The following SPNS3 variants were observed in gnomAD, a reference collection of about 807,000 sequenced individuals.
SPNS3 encodes the protein SPNS lysolipid transporter 3, sphingosine-1-phosphate (putative), also known as protein spinster homolog 3.
In SPNS3, 51 loss-of-function variants were observed where a neutral mutation model predicts 54.4. The ratio of observed to expected loss-of-function variants is 0.94; its 90% CI spans 0.75 to 1.18. The LOEUF (loss-of-function observed/expected upper bound fraction) is 1.18, where lower values mean the gene tolerates loss of function less well. Ranked by LOEUF, SPNS3 falls within the 50% of genes most tolerant of loss-of-function variation. SPNS3 has a pLI of 0.00. For missense variants in SPNS3, 669 were observed against 677.4 expected, an observed-to-expected ratio of 0.99 and a Z score of 0.14; for synonymous variants, 309 against 294.7, an observed-to-expected ratio of 1.05 and a Z score of -0.50.
intron 8 of SPNS3, among the ~76,000 whole-genome samples, chr17:4,477,771 C>T (rs2144200749): frequency 6.6e-6 from 1 of 152,240 alleles, no homozygotes; most frequent in East Asian, 1.9e-4. Flanking sequence ...GCCTCGCCCA[C>T]CTCCCTGTGC....
chr17:4,446,730 G>A (rs1261160817), intron 4 of SPNS3, 166 bp from the exon 5 acceptor site: 2 of 652,728 alleles, frequency 3.1e-6, no homozygotes, highest in Non-Finnish European at 5.5e-6. Context: ...GAGGGCAGTG[G>A]ACATCTGGGC....
chr17:4,435,901 C>T (rs1970705823), intron 1 of SPNS3, among the ~76,000 whole-genome samples: 1 of 152,196 alleles, frequency 6.6e-6, no homozygotes, highest in Admixed American at 6.5e-5. Flanking sequence ...CACTGCACTC[C>T]AGCCTGGGCG....
intron 2 of SPNS3, among the ~76,000 whole-genome samples, chr17:4,440,202 G>C (rs1970813822): frequency 6.6e-6 from 1 of 152,198 alleles, no homozygotes; most frequent in South Asian, 2.1e-4. Flanking sequence ...CTGACACCCA[G>C]CAGCAGGGAG....
chr17:4,440,426 C>G (rs75126992), intron 2 of SPNS3, among the ~76,000 whole-genome samples: 14,295 of 152,254 alleles, frequency 0.094, 861 homozygotes, highest in Middle Eastern at 0.15. Context: ...CATCTCAGGG[C>G]TTTAGAACAT....
chr17:4,484,640 C>A (rs1047706221), intron 9 of SPNS3, among the ~76,000 whole-genome samples: 1 of 152,060 alleles, frequency 6.6e-6, no homozygotes, highest in Non-Finnish European at 1.5e-5. Context: ...TAACTCAAGG[C>A]CTCAGATCAT....
chr17:4,456,519 ATATTTTATTT>A (rs1016432087), intron 8 of SPNS3, among the ~76,000 whole-genome samples: 1 of 151,774 alleles, frequency 6.6e-6, no homozygotes, highest in African/African-American at 2.4e-5. Context: ...TTTTCTTTTC[ATATTTTATTT>A]TATTTTATTT....
chr17:4,453,256 T>A, intron 8 of SPNS3, 51 bp downstream of exon 8: 1 of 1,539,962 alleles, frequency 6.5e-7, no homozygotes, highest in African/African-American at 1.4e-5. Context: ...GGCGAGGAAC[T>A]CCTGTTTCCA....
At chr17:4,467,553 T>C (rs1971714033) in intron 8 of SPNS3, among the ~76,000 whole-genome samples, 1 of 152,212 alleles carries the variant, frequency 6.6e-6, no homozygotes, top group South Asian at 2.1e-4. Context: ...AGCTTCCTTA[T>C]ATGACCATCT....
chr17:4,446,814 G>T, intron 4 of SPNS3, 82 bp from the exon 5 acceptor site: 1 of 1,341,364 alleles, frequency 7.5e-7, no homozygotes, highest in Non-Finnish European at 1.1e-6. Context: ...CGTGGGGGGG[G>T]CACCCTGGGT....
At chr17:4,438,136 G>A (rs986929717) in intron 1 of SPNS3, among the ~76,000 whole-genome samples, 4 of 152,258 alleles carry the variant, frequency 2.6e-5, no homozygotes, top group South Asian at 2.1e-4. Context: ...ATCTTCATGT[G>A]CATGGGGCAG....
At chr17:4,463,043 T>A (rs74687364) in intron 8 of SPNS3, among the ~76,000 whole-genome samples, 8,800 of 151,890 alleles carry the variant, frequency 0.058, 316 homozygotes, top group Middle Eastern at 0.12. Flanking sequence ...TGGGTGGGCA[T>A]GTGTGCTGGT....
chr17:4,452,767 C>A (rs1317239339), intron 7 of SPNS3, among the ~76,000 whole-genome samples: 5 of 151,702 alleles, frequency 3.3e-5, no homozygotes, highest in Non-Finnish European at 7.4e-5. Flanking sequence ...CCAGTGGGAT[C>A]CCCAGGATGA....
At chr17:4,443,361 G>A (rs111949892) in intron 2 of SPNS3, among the ~76,000 whole-genome samples, 12 of 152,282 alleles carry the variant, frequency 7.9e-5, no homozygotes, top group African/African-American at 2.4e-4. Flanking sequence ...GTGAGCCACC[G>A]CGTCCAGCTG....
In SPNS3 at chr17:4,486,487, T is replaced by C. The variant is rs749591404; in HGVS notation, c.1354T>C (p.Cys452Arg). The C allele has an allele frequency of 1.9e-6, 3 of 1,613,694 alleles. No individual in the cohort carries two copies. In the South Asian group the frequency reaches 3.3e-5, roughly 18 times the overall value. The change falls in exon 11 of 12, where the codon TGC becomes CGC. Residue 452 changes from cysteine to arginine, a missense_variant. Physicochemically the swap from Cys to Arg is radical, Grantham distance 180. Coordinates refer to ENST00000355530, the MANE Select transcript of SPNS3 (RefSeq NM_182538.5). The surrounding 1 kb of genome is among the most constrained non-coding windows in gnomAD (Gnocchi z 5.5). The part of the protein sequence containing the change: ...RFRSLQQSFL[C>R]CAFVIALGGG... The stretch of plus-strand genomic sequence containing the variant: ...CCGCAGCCTGCAGCAGAGCTTCCTG[T>C]GCTGCGCCTTTGTCATCGCCCTGGG...
intron 8 of SPNS3, among the ~76,000 whole-genome samples, chr17:4,463,345 C>T (rs1238110327): frequency 1.1e-4 from 16 of 147,714 alleles, no homozygotes; most frequent in Admixed American, 2.1e-4. Context: ...TGCAGTGAGC[C>T]GAGATTGCGC....
intron 1 of SPNS3, among the ~76,000 whole-genome samples, chr17:4,437,809 C>T (rs8065096): frequency 5.0e-5 from 7 of 141,384 alleles, no homozygotes; most frequent in African/African-American, 1.3e-4. Context: ...TTTTTGGAGA[C>T]GGAGTCTCAC....
Position 4,453,187 on chromosome 17 carries a change from C to A in SPNS3, c.1095C>A (p.Thr365=), listed in dbSNP as rs200084321. The A allele has an allele frequency of 7.4e-6, 12 of 1,613,160 alleles. 1 individual carries two copies. Among genetic ancestry groups the A allele is most frequent in the East Asian group, 6.7e-5 (3 of 44,870 alleles). The change falls in exon 8 of 12, where the codon ACC becomes ACA. Residue 365 remains threonine, a synonymous_variant. Coordinates refer to ENST00000355530, the MANE Select transcript of SPNS3 (RefSeq NM_182538.5). ...ACCTGGCTCTCGTCCTGGCCCCGAC[C>A]ACCCTGCTGGCCTCCTATGTAAGTG... ...CLYLALVLAP[T]TLLASYVFLG... is the part of the protein sequence containing the mutation.
chr17:4,485,543 A>G (rs1004883954), intron 9 of SPNS3, among the ~76,000 whole-genome samples: 1 of 152,040 alleles, frequency 6.6e-6, no homozygotes, highest in African/African-American at 2.4e-5. Flanking sequence ...GATTACAGGC[A>G]TGTGCCACCA....
intron 8 of SPNS3, among the ~76,000 whole-genome samples, chr17:4,458,502 TTCTTC>T (rs1246497573): frequency 1.1e-4 from 7 of 63,882 alleles, no homozygotes; most frequent in African/African-American, 2.4e-4. Flanking sequence ...CTTTCTTTCT[TTCTTC>T]CCTTCCTCCC....
Sources: allele counts gnomAD v4.1 joint callset (sites outside exome capture counted in the v4.1 genomes callset), GRCh38; gene constraint gnomAD v4.1.1; non-coding constraint Gnocchi (gnomAD v3.1); transcripts MANE v1.5; gene names NCBI Gene and HGNC (gene_info 2026-07-23, HGNC 2026-07-21).